The following UBR1 variants were observed in gnomAD, a reference collection of about 807,000 sequenced individuals.
UBR1 encodes the protein E3 ubiquitin-protein ligase UBR1.
A neutral mutation model predicts 242.1 loss-of-function variants in UBR1; 102 were observed. The ratio of observed to expected loss-of-function variants is 0.42; its 90% CI spans 0.36 to 0.50. The LOEUF (loss-of-function observed/expected upper bound fraction) is 0.50. Ranked by LOEUF, UBR1 falls within the 20% of genes least tolerant of loss-of-function variation. The pLI, the probability that UBR1 is intolerant of heterozygous loss-of-function variation, is 0.01. For synonymous variants in UBR1, 675 were observed against 684.8 expected (o/e 0.99, Z 0.22); for missense variants, 1,772 against 2,101.8 (o/e 0.84, Z 3.07).
chr15:43,087,251 A>G (rs2034048651), intron 1 of UBR1, among the ~76,000 whole-genome samples: 1 of 151,990 alleles, frequency 6.6e-6, no homozygotes, highest in African/African-American at 2.4e-5. Context: ...TAAAAATACA[A>G]AAAATTAGCC....
intron 2 of UBR1, 64 bp downstream of exon 2, chr15:43,085,920 C>CAA (rs77056940): frequency 3.0e-3 from 3,659 of 1,237,470 alleles, no homozygotes; most frequent in Non-Finnish European, 3.1e-3. Context: ...GACTCTGTTT[C>CAA]AAAAAAAAAA....
In UBR1 at chr15:43,034,237, AAAAT is replaced by A. The variant is rs35184791; in HGVS notation, c.2191-1610_2191-1607del. On this transcript the variant is annotated intron_variant, in intron 19 of 46. Coordinates refer to ENST00000290650, the MANE Select transcript of UBR1 (RefSeq NM_174916.3). ...GGTGACAGAGCAACACTCCATCTCAAAAATAAATAAATAAATAAATAAATAAATA... is the reference window on the plus strand; with the variant it reads ...GGTGACAGAGCAACACTCCATCTCAAAAATAAATAAATAAATAAATAAATA... Among the ~76,000 whole-genome samples, 379 of 110,912 alleles carry A rather than the reference AAAAT, an allele frequency of 3.4e-3. 3 individuals are homozygous for A. Among genetic ancestry groups the A allele is most frequent in the Middle Eastern group, 0.012 (3 of 246 alleles). The allele number at this position is 110,912 out of a possible 152,430, so 72.8% of individuals were successfully genotyped here.
At chr15:42,985,842 A>G (rs1035179013) in intron 35 of UBR1, among the ~76,000 whole-genome samples, 2 of 151,950 alleles carry the variant, frequency 1.3e-5, no homozygotes, top group African/African-American at 4.8e-5. Flanking sequence ...CACAAAAATT[A>G]GCTGGGCGTG....
intron 1 of UBR1, among the ~76,000 whole-genome samples, chr15:43,101,899 TAG>T (rs1214743816): frequency 1.6e-5 from 2 of 126,984 alleles, no homozygotes; most frequent in Non-Finnish European, 3.1e-5. Context: ...ACCCGGGAGG[TAG>T]AGGTTTCAGT....
chr15:43,066,819 T>C (rs1290579873), intron 6 of UBR1, among the ~76,000 whole-genome samples: 2 of 152,204 alleles, frequency 1.3e-5, no homozygotes, highest in African/African-American at 2.4e-5. Flanking sequence ...AGACAGAGTC[T>C]CTTTATGTTG....
intron 12 of UBR1, among the ~76,000 whole-genome samples, chr15:43,053,912 C>T (rs981965440): frequency 1.3e-5 from 2 of 151,848 alleles, no homozygotes; most frequent in African/African-American, 2.4e-5. Flanking sequence ...CTACAACCTC[C>T]ACCTCCTGCG....
chr15:42,950,507 A>T, intron 45 of UBR1, 144 bp from the exon 46 acceptor site: 1 of 691,758 alleles, frequency 1.4e-6, no homozygotes, highest in Non-Finnish European at 2.6e-6. Flanking sequence ...CAAATAGACT[A>T]AATTATGTTT....
chr15:43,095,173 A>T (rs565578755), intron 1 of UBR1, among the ~76,000 whole-genome samples: 12 of 152,308 alleles, frequency 7.9e-5, no homozygotes, highest in South Asian at 6.2e-4. Flanking sequence ...GTGTATTTTT[A>T]AAAAATTGAT....
In UBR1 at chr15:43,082,605, G is replaced by C. The variant is rs375486950; in HGVS notation, c.417+33C>G. The C allele has an allele frequency of 1.3e-5, 20 of 1,577,058 alleles. No individual in the cohort carries two copies. The African/African-American group carries it at 2.7e-4, about 21-fold the overall frequency. On this transcript the variant is annotated intron_variant, in intron 3 of 46. Transcript: ENST00000290650. ...TGGACTAGATGGCCATCAGATTCCT[G>C]CTTATTCAGAGGTTATGGTTATATT...
Position 42,990,027 on chromosome 15 carries a change from T to TA in UBR1, c.3848+2dup. 6.2e-7 allele frequency: 1 copy of TA among 1,603,482 alleles called. No homozygotes were observed. The highest frequency in any genetic ancestry group is 8.5e-7 in the Non-Finnish European group (1 of 1,172,614). On this transcript the variant is annotated splice_region_variant and intron_variant, in intron 34 of 46. Coordinates refer to ENST00000290650, the MANE Select transcript of UBR1 (RefSeq NM_174916.3). ...AAGTTCTCTTAACTATTTAGATACT[T>TA]ACGAAGACTCAACGCCAAAACTCAG...
chr15:43,044,769 C>T (rs1285600888), intron 14 of UBR1, among the ~76,000 whole-genome samples: 1 of 152,126 alleles, frequency 6.6e-6, no homozygotes, highest in African/African-American at 2.4e-5. Flanking sequence ...GTGGTGCACA[C>T]CTGTAGTCCC....
chr15:43,038,577 G>A (rs1443867973), intron 15 of UBR1, among the ~76,000 whole-genome samples: 1 of 152,172 alleles, frequency 6.6e-6, no homozygotes. Flanking sequence ...CTGGGTGACA[G>A]AGTGAGACTC....
chr15:42,970,466 C>T, intron 40 of UBR1, 54 bp downstream of exon 40: 1 of 1,553,844 alleles, frequency 6.4e-7, no homozygotes, highest in Non-Finnish European at 8.9e-7. Flanking sequence ...TGCCAAACAA[C>T]TGAACAAGAA....
intron 33 of UBR1, among the ~76,000 whole-genome samples, chr15:42,990,832 G>A (rs997979732): frequency 6.6e-6 from 1 of 152,166 alleles, no homozygotes; most frequent in African/African-American, 2.4e-5. Context: ...TCCTAGCTCT[G>A]CCACTTACTG....
intron 3 of UBR1, among the ~76,000 whole-genome samples, chr15:43,077,759 A>G (rs996855154): frequency 3.3e-5 from 5 of 152,032 alleles, no homozygotes; most frequent in Non-Finnish European, 7.4e-5. Context: ...TTACACAAAT[A>G]TCCCATAGCA....
chr15:43,068,184 ATTT>A (rs545130203), intron 5 of UBR1, 148 bp from the exon 6 acceptor site: 6,166 of 251,080 alleles, frequency 0.025, 11 homozygotes, highest in South Asian at 0.044. Context: ...ATAGAATTTG[ATTT>A]TTTTTTTTTT....
intron 44 of UBR1, among the ~76,000 whole-genome samples, chr15:42,955,386 G>A (rs1433305227): frequency 6.6e-6 from 1 of 152,180 alleles, no homozygotes; most frequent in Admixed American, 6.5e-5. Flanking sequence ...TCTGGCTGCT[G>A]CATAATGCTT....
chr15:42,968,553 T>A (rs1425680590), intron 40 of UBR1, among the ~76,000 whole-genome samples: 2 of 152,086 alleles, frequency 1.3e-5, no homozygotes, highest in African/African-American at 4.8e-5. Flanking sequence ...ATTATTATTA[T>A]GCACGTGCAG....
chr15:42,944,459 T>A lies in UBR1; in HGVS notation c.*870A>T, dbSNP rs1345103852. 1 of 152,286 alleles carries A rather than the reference T, an allele frequency of 6.6e-6. No homozygotes were observed. The highest frequency in any genetic ancestry group is 1.5e-5 in the Non-Finnish European group (1 of 68,046). 9.4% of individuals were successfully genotyped at this position (152,286 alleles called of 1,614,324 possible). ...TGATTGTTCTAATTTACAGTTGTCA[T>A]GATCCACTCATTGCGAGAATTTTCT... On this transcript the variant is annotated 3_prime_UTR_variant, in exon 47 of 47. Transcript: ENST00000290650.
Sources: gnomAD v4.1 joint callset for allele counts (sites outside exome capture counted in the v4.1 genomes callset) on GRCh38, gnomAD v4.1.1 for gene constraint, MANE v1.5 for transcripts, NCBI Gene and HGNC (gene_info 2026-07-23, HGNC 2026-07-21) for gene names.